MS4A4E: variants seen among roughly 807,000 people sequenced by gnomAD.
The protein encoded by MS4A4E is membrane spanning 4-domains A4E, also known as putative membrane-spanning 4-domains subfamily A member 4E.
A neutral mutation model predicts 13.3 loss-of-function variants in MS4A4E; 23 were observed. The observed-to-expected ratio is 1.73, with a 90% CI of 1.25 to 2.45. The LOEUF is 2.45. Ranked by LOEUF, MS4A4E falls within the 30% of genes most tolerant of loss-of-function variation. The probability of loss-of-function intolerance (pLI) is 0.00; values close to 1 mark genes in which losing one functional copy is unlikely to be tolerated. For synonymous variants in MS4A4E, 36 were observed against 45.6 expected (o/e 0.79, Z 0.85); for missense variants, 144 against 131.2 (o/e 1.10, Z -0.48).
At chr11:60,228,121 T>G (rs1033156381) in intron 3 of MS4A4E, among the ~76,000 whole-genome samples, 1 of 152,126 alleles carries the variant, frequency 6.6e-6, no homozygotes, top group African/African-American at 2.4e-5. Context: ...ATTAAAAAAT[T>G]CTGCTCTGCA....
In MS4A4E at chr11:60,201,057, G is replaced by A. The variant is rs527336580; in HGVS notation, c.*486C>T. Among the ~76,000 whole-genome samples the A allele has an allele frequency of 8.2e-5, 12 of 146,866 alleles. No individual in the cohort carries two copies. Among genetic ancestry groups the A allele is most frequent in the African/African-American group, 1.8e-4 (7 of 39,948 alleles). ...TCCCTCCCAGACGTGGTGGCTGGCC[G>A]GGTGGGGGGCTGAACCCCCCACCTC... On this transcript the variant is annotated 3_prime_UTR_variant, in exon 9 of 9. Transcript: ENST00000651255.
intron 3 of MS4A4E, among the ~76,000 whole-genome samples, chr11:60,217,654 T>A (rs181454451): frequency 6.6e-6 from 1 of 152,324 alleles, no homozygotes; most frequent in East Asian, 1.9e-4. Flanking sequence ...AATTAATACT[T>A]TTATAATTTC....
At chr11:60,220,714 T>A (rs2084259434) in intron 3 of MS4A4E, among the ~76,000 whole-genome samples, 1 of 152,214 alleles carries the variant, frequency 6.6e-6, no homozygotes, top group South Asian at 2.1e-4. Context: ...AGGGGTTCAG[T>A]GGTGTGGGGC....
intron 1 of MS4A4E, among the ~76,000 whole-genome samples, chr11:60,241,166 G>A (rs1195635315): frequency 6.6e-6 from 1 of 152,152 alleles, no homozygotes; most frequent in Non-Finnish European, 1.5e-5. Flanking sequence ...TGGGGCTACC[G>A]GCGCCTGCCA....
At position 60,200,730 on chromosome 11, in the gene MS4A4E, T is replaced by A. The variant is rs2083974817; in HGVS notation, c.*813A>T. ...AGGCAACCATCCGATTTCTCAATCT[T>A]TTCCCCACCTTTCCCCCCTTTCTAT... On this transcript the variant is annotated 3_prime_UTR_variant, in exon 9 of 9. Transcript: ENST00000651255. 6.6e-6 allele frequency among the ~76,000 whole-genome samples: 1 copy of A among 152,238 alleles called. No individual in the cohort carries two copies. Among genetic ancestry groups the A allele is most frequent in the Non-Finnish European group, 1.5e-5 (1 of 68,038 alleles).
At chr11:60,203,213 C>T (rs1190913028) in intron 8 of MS4A4E, among the ~76,000 whole-genome samples, 1 of 151,966 alleles carries the variant, frequency 6.6e-6, no homozygotes. Context: ...TTGTTATTTG[C>T]TTTTATATTG....
chr11:60,237,936 G>A (rs193260645), intron 1 of MS4A4E, among the ~76,000 whole-genome samples: 319 of 151,862 alleles, frequency 2.1e-3, no homozygotes, highest in African/African-American at 7.4e-3. Context: ...AGGCATTCGT[G>A]GTGGCTTTTT....
chr11:60,233,026 G>T (rs2084432590), intron 1 of MS4A4E, among the ~76,000 whole-genome samples: 1 of 152,038 alleles, frequency 6.6e-6, no homozygotes, highest in South Asian at 2.1e-4. Context: ...CAAAATAGCT[G>T]CAGTGCCCCA....
intron 1 of MS4A4E, among the ~76,000 whole-genome samples, chr11:60,232,956 T>G (rs1435156300): frequency 1.3e-5 from 2 of 152,114 alleles, no homozygotes; most frequent in East Asian, 3.9e-4. Context: ...AAGTTGAAAC[T>G]GTGCTCCACT....
chr11:60,222,833 G>T (rs760674718), intron 3 of MS4A4E, among the ~76,000 whole-genome samples: 10 of 152,098 alleles, frequency 6.6e-5, no homozygotes, highest in Non-Finnish European at 1.2e-4. Context: ...TGTTGGCTAG[G>T]GTGACTGACC....
Position 60,243,051 on chromosome 11 carries a change from T to G in MS4A4E, c.-110A>C. The stretch of plus-strand genomic sequence containing the variant: ...TTCTTTGTTCCAGACACAGTCAGCT[T>G]CCCCCACTCCACACCTCACTCAGTT... On this transcript the variant is annotated 5_prime_UTR_variant, in exon 1 of 9. Coordinates refer to ENST00000651255, the MANE Select transcript of MS4A4E (RefSeq NM_001393391.1). 3.4e-6 allele frequency: 4 copies of G among 1,165,344 alleles called. No individual in the cohort carries two copies. The highest frequency in any genetic ancestry group is 4.9e-6 in the Non-Finnish European group (4 of 813,726). The allele number at this position is 1,165,344 out of a possible 1,614,324, so 72.2% of individuals were successfully genotyped here.
At chr11:60,239,440 G>A (rs1038373455) in intron 1 of MS4A4E, among the ~76,000 whole-genome samples, 6 of 152,118 alleles carry the variant, frequency 3.9e-5, no homozygotes, top group Non-Finnish European at 5.9e-5. Flanking sequence ...CTAAAGAGGG[G>A]CTTTATTCCT....
At chr11:60,220,777 C>A (rs2084260140) in intron 3 of MS4A4E, among the ~76,000 whole-genome samples, 1 of 152,172 alleles carries the variant, frequency 6.6e-6, no homozygotes, top group African/African-American at 2.4e-5. Context: ...TTTGCCCCCA[C>A]CCCCTACAAC....
intron 3 of MS4A4E, chr11:60,224,913 T>A (rs1443264431): frequency 2.2e-6 from 3 of 1,367,274 alleles, no homozygotes; most frequent in Non-Finnish European, 1.9e-6. Context: ...GATCAGGGTA[T>A]TTACACCTCT....
At chr11:60,228,735 C>A (rs1565126552) in intron 2 of MS4A4E, 108 bp from the exon 3 acceptor site, 3 of 543,384 alleles carry the variant, frequency 5.5e-6, no homozygotes, top group Non-Finnish European at 9.7e-6. Flanking sequence ...TACCTCTAGA[C>A]AATGAAATAT....
rs192526044 is a variant in MS4A4E at position 60,200,785 on chromosome 11, C to T, written c.*758G>A. Among the ~76,000 whole-genome samples, 1,141 of 152,340 alleles carry T rather than the reference C, an allele frequency of 7.5e-3. 9 individuals are homozygous for T. Among genetic ancestry groups the T allele is most frequent in the Middle Eastern group, 0.024 (7 of 294 alleles). ...CAAAACCGCCATTGTCCTCATGGCC[C>T]GTTCTCAATGAGCTATTGGGTACAC... On this transcript the variant is annotated 3_prime_UTR_variant, in exon 9 of 9. Transcript: ENST00000651255.
chr11:60,220,576 A>G (rs1013755767), intron 3 of MS4A4E, among the ~76,000 whole-genome samples: 1 of 152,196 alleles, frequency 6.6e-6, no homozygotes, highest in African/African-American at 2.4e-5. Context: ...TGATGCCATT[A>G]TACTGATGGG....
chr11:60,227,300 C>T (rs1184868247), intron 3 of MS4A4E, among the ~76,000 whole-genome samples: 3 of 152,106 alleles, frequency 2.0e-5, no homozygotes, highest in Admixed American at 2.0e-4. Flanking sequence ...CCCTGTAATC[C>T]CAGCACTTTG....
At chr11:60,239,296 C>A (rs966776612) in intron 1 of MS4A4E, among the ~76,000 whole-genome samples, 1 of 152,156 alleles carries the variant, frequency 6.6e-6, no homozygotes, top group East Asian at 1.9e-4. Flanking sequence ...ACATTTAAAC[C>A]AGTTCATGTC....
Sources: gnomAD v4.1 joint callset for allele counts (sites outside exome capture counted in the v4.1 genomes callset) on GRCh38, gnomAD v4.1.1 for gene constraint, MANE v1.5 for transcripts, NCBI Gene and HGNC (gene_info 2026-07-23, HGNC 2026-07-21) for gene names.